Variants in KPNA1 observed in about 807,000 individuals in gnomAD.
KPNA1 encodes karyopherin subunit alpha 1, also known as importin subunit alpha-5.
A neutral mutation model predicts 70.5 loss-of-function variants in KPNA1; 10 were observed. That is an observed-to-expected ratio of 0.14 (90% CI 0.09 to 0.24). KPNA1 has a LOEUF of 0.24. Ranked by LOEUF, KPNA1 falls within the 10% of genes least tolerant of loss-of-function variation. The probability of loss-of-function intolerance (pLI) is 1.00; values close to 1 mark genes in which losing one functional copy is unlikely to be tolerated. For missense variants in KPNA1, 397 were observed against 637.9 expected (o/e 0.62, Z 4.07); for synonymous variants, 192 against 221.9 (o/e 0.87, Z 1.20).
At chr3:122,501,155 A>C (rs1576346768) in intron 1 of KPNA1, among the ~76,000 whole-genome samples, 1 of 151,174 alleles carries the variant, frequency 6.6e-6, no homozygotes, top group East Asian at 2.0e-4. Flanking sequence ...CAGCCTTCCA[A>C]GTAGCTAGGG....
chr3:122,427,386 A>G, intron 13 of KPNA1, 152 bp downstream of exon 13: 2 of 788,146 alleles, frequency 2.5e-6, no homozygotes, highest in Non-Finnish European at 4.0e-6. Flanking sequence ...TCTTAAATAC[A>G]TATGCAAGTA....
chr3:122,454,647 A>G (rs903274817), intron 5 of KPNA1, among the ~76,000 whole-genome samples: 4 of 152,238 alleles, frequency 2.6e-5, no homozygotes, highest in African/African-American at 9.6e-5. Flanking sequence ...GTATCAAATG[A>G]TAAGTAGGTG....
rs747255506 is a variant in KPNA1, at chr3:122,422,027, A to G, written c.*4958T>C. 6.6e-6 allele frequency: 1 copy of G among 152,262 alleles called. No individual in the cohort carries two copies. The highest frequency in any genetic ancestry group is 1.5e-5 in the Non-Finnish European group (1 of 68,054). 9.4% of individuals were successfully genotyped at this position (152,262 alleles called of 1,614,324 possible). A position where few individuals can be genotyped will look rare whatever the true frequency, so the allele number is the denominator to read the frequency against. On this transcript the variant is annotated 3_prime_UTR_variant, in exon 14 of 14. Coordinates refer to ENST00000344337, the MANE Select transcript of KPNA1 (RefSeq NM_002264.4). ...ATGGCCTGACAGACCACATTCAAGTACAAAGAATCATTAGAGCCATTCCAA... is the reference window on the plus strand; with the variant it reads ...ATGGCCTGACAGACCACATTCAAGTGCAAAGAATCATTAGAGCCATTCCAA...
chr3:122,445,734 TAAAG>T (rs1002233577), intron 9 of KPNA1, among the ~76,000 whole-genome samples: 15 of 152,006 alleles, frequency 9.9e-5, no homozygotes, highest in African/African-American at 3.6e-4. Flanking sequence ...GCAAATTGGA[TAAAG>T]AGTCAAGACC....
chr3:122,474,293 C>A (rs539733688), intron 2 of KPNA1, among the ~76,000 whole-genome samples: 5 of 152,066 alleles, frequency 3.3e-5, no homozygotes, highest in Non-Finnish European at 5.9e-5. Context: ...CCTATAGATT[C>A]AATGCAATTA....
At chr3:122,481,923 AT>A (rs1560045722) in intron 2 of KPNA1, among the ~76,000 whole-genome samples, 1 of 151,844 alleles carries the variant, frequency 6.6e-6, no homozygotes, top group African/African-American at 2.4e-5. Flanking sequence ...GCTCAATGAA[AT>A]TTTTTTTTAA....
At chr3:122,435,193 A>AAC (rs370106160) in intron 11 of KPNA1, among the ~76,000 whole-genome samples, 4 of 151,752 alleles carry the variant, frequency 2.6e-5, no homozygotes, top group African/African-American at 7.3e-5. Context: ...CACACACACA[A>AAC]ACACACACAC....
chr3:122,434,226 C>G (rs551598681), intron 11 of KPNA1, among the ~76,000 whole-genome samples: 1 of 152,196 alleles, frequency 6.6e-6, no homozygotes, highest in African/African-American at 2.4e-5. Context: ...TGGGAGCCAC[C>G]GCACCCAGCC....
chr3:122,470,595 G>C (rs940876898), intron 2 of KPNA1, among the ~76,000 whole-genome samples: 4 of 151,708 alleles, frequency 2.6e-5, no homozygotes, highest in African/African-American at 9.7e-5. Context: ...AATGATACAA[G>C]GAATGGAAGG....
chr3:122,426,988 A>G lies in KPNA1; in HGVS notation c.1614T>C (p.Leu538=). 1 of 1,613,860 alleles carries G rather than the reference A, an allele frequency of 6.2e-7. No homozygotes were observed. Among genetic ancestry groups the G allele is most frequent in the Non-Finnish European group, 8.5e-7 (1 of 1,179,800 alleles). The change falls in exon 14 of 14, where the codon CTT becomes CTC. Residue 538 remains leucine, a synonymous_variant. Transcript: ENST00000344337. ...QCEAPMEGFQ[L] ...TACGTGAAAGCAGAGTATTGCTTCA[A>G]AGCTGGAAACCTTCCATAGGAGCCT...
At chr3:122,466,389 A>C (rs1196671775) in intron 3 of KPNA1, among the ~76,000 whole-genome samples, 4 of 152,108 alleles carry the variant, frequency 2.6e-5, no homozygotes, top group Non-Finnish European at 5.9e-5. Context: ...CATTTTTTTT[A>C]ATTGTACTTT....
At chr3:122,472,629 A>G (rs1325889233) in intron 2 of KPNA1, among the ~76,000 whole-genome samples, 4 of 152,232 alleles carry the variant, frequency 2.6e-5, no homozygotes, top group Admixed American at 6.5e-5. Context: ...AGAAAAATCA[A>G]TGAAAAAACC....
chr3:122,478,280 T>A (rs2076527817), intron 2 of KPNA1, among the ~76,000 whole-genome samples: 2 of 151,664 alleles, frequency 1.3e-5, no homozygotes, highest in Admixed American at 1.3e-4. Flanking sequence ...AGGTCTTACA[T>A]CCTTCGTTCA....
chr3:122,483,255 A>T (rs10049131), intron 2 of KPNA1: 21,238 of 152,252 alleles, frequency 0.14, 1,583 homozygotes, highest in East Asian at 0.32. Context: ...GCCAAGTGTG[A>T]TTAATATCAC....
intron 10 of KPNA1, among the ~76,000 whole-genome samples, chr3:122,441,761 G>A (rs192084063): frequency 2.1e-4 from 32 of 152,088 alleles, no homozygotes; most frequent in East Asian, 3.9e-4. Context: ...AACCACGCCC[G>A]GCTAATTTTT....
At chr3:122,462,410 C>T (rs1284119356) in intron 4 of KPNA1, among the ~76,000 whole-genome samples, 2 of 151,960 alleles carry the variant, frequency 1.3e-5, no homozygotes, top group African/African-American at 4.8e-5. Context: ...AACTAGCTAC[C>T]TTGGACTACA....
chr3:122,465,131 T>A (rs1037205548), intron 3 of KPNA1, among the ~76,000 whole-genome samples: 1 of 152,182 alleles, frequency 6.6e-6, no homozygotes, highest in Admixed American at 6.5e-5. Flanking sequence ...TAACTTTACA[T>A]TATAATATTT....
intron 2 of KPNA1, among the ~76,000 whole-genome samples, chr3:122,486,018 G>A (rs1180322479): frequency 6.6e-6 from 1 of 152,072 alleles, no homozygotes; most frequent in Non-Finnish European, 1.5e-5. Context: ...TCAAACTCTT[G>A]TACACTGCTC....
At chr3:122,478,043 T>C in intron 2 of KPNA1, among the ~76,000 whole-genome samples, 1 of 150,866 alleles carries the variant, frequency 6.6e-6, no homozygotes, top group South Asian at 2.1e-4. Context: ...GTGCCTCTAA[T>C]GCCAGCTACT....
Sources: gnomAD v4.1 joint callset for allele counts (sites outside exome capture counted in the v4.1 genomes callset) on GRCh38, gnomAD v4.1.1 for gene constraint, MANE v1.5 for transcripts, NCBI Gene and HGNC (gene_info 2026-07-23, HGNC 2026-07-21) for gene names.